EDA: variants seen among roughly 807,000 people sequenced by gnomAD.
The protein encoded by EDA is ectodysplasin A.
In EDA, 2 loss-of-function variants were observed where a neutral mutation model predicts 23.6. The observed-to-expected ratio is 0.08, with a 90% confidence interval of 0.03 to 0.27. EDA has a LOEUF of 0.27. Among genes scored for constraint, EDA ranks in the 10% least tolerant of loss-of-function variants. EDA has a pLI of 1.00. For missense variants in EDA, 229 were observed against 324.2 expected (o/e 0.71, Z 2.26); for synonymous variants, 131 against 132.0 (o/e 0.99, Z 0.05).
intron 1 of EDA, among the ~76,000 whole-genome samples, chrX:69,705,868 T>C (rs1327903371): frequency 8.9e-6 from 1 of 112,032 alleles, no homozygotes; most frequent in Non-Finnish European, 1.9e-5. Context: ...ATCTCAAAGG[T>C]ACAGAACTCA....
intron 1 of EDA, among the ~76,000 whole-genome samples, chrX:69,758,734 G>A (rs1251182466): frequency 8.9e-6 from 1 of 112,314 alleles, no homozygotes; most frequent in Non-Finnish European, 1.9e-5. Context: ...TACTCAGGAG[G>A]CTGAGACAGG....
intron 2 of EDA, among the ~76,000 whole-genome samples, chrX:70,016,412 T>TAA (rs200203818): frequency 7.4e-4 from 80 of 108,141 alleles, no homozygotes; most frequent in Non-Finnish European, 9.6e-4. Context: ...CTCTACCAAT[T>TAA]AAAAAAAAAC....
At chrX:69,717,571 G>A (rs777702156) in intron 1 of EDA, among the ~76,000 whole-genome samples, 11 of 104,643 alleles carry the variant, frequency 1.1e-4, no homozygotes, top group Non-Finnish European at 2.0e-4. Context: ...CCAGGCTGGA[G>A]TGCAGTGGCA....
At chrX:69,903,959 C>T in intron 1 of EDA, among the ~76,000 whole-genome samples, 1 of 109,999 alleles carries the variant, frequency 9.1e-6, no homozygotes, top group Non-Finnish European at 1.9e-5. Flanking sequence ...TACAGGCGCC[C>T]ACCACCATGC....
At chrX:69,920,265 A>G (rs953225140) in intron 1 of EDA, among the ~76,000 whole-genome samples, 1 of 111,367 alleles carries the variant, frequency 9.0e-6, no homozygotes, top group Non-Finnish European at 1.9e-5. Context: ...AAAGTTGTGG[A>G]GATAATACAG....
At chrX:69,646,377 A>G (rs911582310) in intron 1 of EDA, among the ~76,000 whole-genome samples, 3 of 111,801 alleles carry the variant, frequency 2.7e-5, no homozygotes, top group Non-Finnish European at 5.6e-5. Context: ...TATTAGTTGT[A>G]TGTATATTTA....
chrX:69,753,625 A>T (rs1487170308), intron 1 of EDA, among the ~76,000 whole-genome samples: 1 of 111,295 alleles, frequency 9.0e-6, no homozygotes, highest in Non-Finnish European at 1.9e-5. Context: ...CAATTCCTGG[A>T]TATCCTTGTT....
intron 1 of EDA, among the ~76,000 whole-genome samples, chrX:69,812,118 A>G (rs776508613): frequency 1.8e-5 from 2 of 112,472 alleles, no homozygotes; most frequent in Non-Finnish European, 3.8e-5. Flanking sequence ...AAATGAAAAC[A>G]TGTTCAGTTT....
At chrX:69,744,893 G>A (rs925568316) in intron 1 of EDA, among the ~76,000 whole-genome samples, 5 of 111,529 alleles carry the variant, frequency 4.5e-5, no homozygotes, top group African/African-American at 6.5e-5. Flanking sequence ...TTTGGCAGTC[G>A]CTCCCCAGGT....
At chrX:69,807,988 G>A (rs2015854062) in intron 1 of EDA, among the ~76,000 whole-genome samples, 1 of 111,353 alleles carries the variant, frequency 9.0e-6, no homozygotes, top group African/African-American at 3.3e-5. Context: ...CTTTACAAGT[G>A]GGCATAAGGA....
At chrX:69,782,075 T>C (rs2014960195) in intron 1 of EDA, among the ~76,000 whole-genome samples, 1 of 109,849 alleles carries the variant, frequency 9.1e-6, no homozygotes, top group Non-Finnish European at 1.9e-5. Context: ...GAATCTGCAA[T>C]GCTCACTTTG....
chrX:69,870,044 C>A (rs1244417645), intron 1 of EDA, among the ~76,000 whole-genome samples: 1 of 111,969 alleles, frequency 8.9e-6, no homozygotes, highest in African/African-American at 3.3e-5. Context: ...CCATCCCAAT[C>A]TCCCTAAGCC....
chrX:69,847,737 G>A (rs912812526), intron 1 of EDA, among the ~76,000 whole-genome samples: 1 of 110,111 alleles, frequency 9.1e-6, no homozygotes, highest in Non-Finnish European at 1.9e-5. Context: ...TTTTTTTCCA[G>A]TTTTGGTGAT....
chrX:69,997,699 C>T (rs768286226), intron 2 of EDA, among the ~76,000 whole-genome samples: 1 of 111,315 alleles, frequency 9.0e-6, no homozygotes, highest in African/African-American at 3.3e-5. Context: ...AAAGTGGTTT[C>T]GTGGGCCAGG....
At chrX:69,958,311 T>C (rs1413778764) in intron 2 of EDA, among the ~76,000 whole-genome samples, 2 of 111,320 alleles carry the variant, frequency 1.8e-5, no homozygotes, top group African/African-American at 6.5e-5. Context: ...GTCTGGAGGG[T>C]TACAAAGCAA....
At chrX:69,920,116 G>C (rs1010056535) in intron 1 of EDA, among the ~76,000 whole-genome samples, 1 of 110,586 alleles carries the variant, frequency 9.0e-6, no homozygotes, top group African/African-American at 3.3e-5. Flanking sequence ...CTTCACCATT[G>C]CATTGACAAG....
At chrX:69,957,637 C>T (rs1426496204) in intron 2 of EDA, 2 of 116,007 alleles carry the variant, frequency 1.7e-5, no homozygotes, top group South Asian at 3.4e-4. Flanking sequence ...GATCCTCCCT[C>T]CTCCAACTCC....
At chrX:69,650,870 G>A (rs960944169) in intron 1 of EDA, among the ~76,000 whole-genome samples, 1 of 110,972 alleles carries the variant, frequency 9.0e-6, no homozygotes, top group South Asian at 3.8e-4. Flanking sequence ...GTTGGGAGGG[G>A]GGCACATACC....
intron 1 of EDA, among the ~76,000 whole-genome samples, chrX:69,717,308 T>C (rs1240737593): frequency 9.0e-6 from 1 of 111,501 alleles, no homozygotes; most frequent in Non-Finnish European, 1.9e-5. Flanking sequence ...ATGTTCAGTA[T>C]ATACAGCCTG....
Sources: gnomAD v4.1 joint callset for allele counts (sites outside exome capture counted in the v4.1 genomes callset) on GRCh38, gnomAD v4.1.1 for gene constraint, MANE v1.5 for transcripts, NCBI Gene and HGNC (gene_info 2026-07-23, HGNC 2026-07-21) for gene names.